Variants in ERI1 observed in about 807,000 individuals in gnomAD.
The protein encoded by ERI1 is exoribonuclease 1.
Under a neutral mutation model 39.7 loss-of-function variants are expected in ERI1, and 39 were observed. That is an observed-to-expected ratio of 0.98 (90% confidence interval 0.76 to 1.28). The LOEUF (loss-of-function observed/expected upper bound fraction) is 1.28. Among genes scored for constraint, ERI1 ranks in the 50% most tolerant of loss-of-function variants. ERI1 has a pLI of 0.00. For synonymous variants in ERI1, 204 were observed against 149.6 expected (o/e 1.36, Z -2.65); for missense variants, 581 against 416.9 (o/e 1.39, Z -3.43).
At chr8:9,060,771 C>G (rs1798667753) in intron 3 of ERI1, among the ~76,000 whole-genome samples, 1 of 152,164 alleles carries the variant, frequency 6.6e-6, no homozygotes, top group South Asian at 2.1e-4. Context: ...AGTTGGAAAG[C>G]TAGCTGCTTG....
intron 4 of ERI1, 57 bp downstream of exon 4, chr8:9,016,462 T>G: frequency 9.2e-7 from 1 of 1,087,268 alleles, no homozygotes; most frequent in Non-Finnish European, 1.3e-6. Context: ...AATTAGGGAT[T>G]TATTTTATAC....
At chr8:9,094,800 T>A (rs1184303723) in intron 3 of ERI1, among the ~76,000 whole-genome samples, 2 of 152,240 alleles carry the variant, frequency 1.3e-5, no homozygotes. Context: ...CCCTGAAGTG[T>A]TTTGCTAAAT....
chr8:9,071,448 C>T (rs1247864608), intron 3 of ERI1, among the ~76,000 whole-genome samples: 1 of 152,160 alleles, frequency 6.6e-6, no homozygotes, highest in African/African-American at 2.4e-5. Flanking sequence ...TCTAGTAATG[C>T]CAGCTCTATG....
downstream of ERI1, among the ~76,000 whole-genome samples, chr8:9,034,558 T>G (rs1377422659): frequency 2.6e-5 from 4 of 152,206 alleles, no homozygotes; most frequent in Non-Finnish European, 5.9e-5. Context: ...ATGGTGGTTT[T>G]GGGGCACCAC....
downstream of ERI1, among the ~76,000 whole-genome samples, chr8:9,037,464 T>C (rs1181633541): frequency 6.6e-6 from 1 of 152,106 alleles, no homozygotes; most frequent in Non-Finnish European, 1.5e-5. Flanking sequence ...GCCCTTCATT[T>C]GTGCTGCAGA....
At chr8:9,056,682 A>G (rs895174016) in intron 3 of ERI1, among the ~76,000 whole-genome samples, 4 of 152,214 alleles carry the variant, frequency 2.6e-5, no homozygotes, top group Non-Finnish European at 5.9e-5. Flanking sequence ...CAGCACTATT[A>G]TAGTTTTTAA....
Position 9,032,003 on chromosome 8 carries a change from C to T in ERI1, c.*1969C>T, listed in dbSNP as rs1432109045. 2.6e-5 allele frequency: 4 copies of T among 152,202 alleles called. No homozygotes were observed. In the East Asian group the frequency reaches 7.7e-4, roughly 29 times the overall value. The allele number at this position is 152,202 out of a possible 1,614,324, so 9.4% of individuals were successfully genotyped here. A position where few individuals can be genotyped will look rare whatever the true frequency, so the allele number is the denominator to read the frequency against. On this transcript the variant is annotated 3_prime_UTR_variant, in exon 7 of 7. Coordinates refer to ENST00000250263, the MANE Select transcript of ERI1 (RefSeq NM_153332.4). ...GAACTCCTGACCTCAAGTGATTTGC[C>T]CACCTTGACCTCCTACAGACGTGAG... is the stretch of plus-strand genomic sequence containing the variant.
chr8:9,029,826 T>C lies in ERI1; in HGVS notation c.842T>C (p.Leu281Pro). Reference protein sequence around the residue: ...PRSQTKLTIMLEKLGMDYDGR... With the variant: ...PRSQTKLTIMPEKLGMDYDGR... The stretch of plus-strand genomic sequence containing the variant: ...AGCCAAACCAAACTGACAATAATGC[T>C]TGAAAAATTAGGAATGGATTATGAT... The change falls in exon 7 of 7, where the codon CTT (leucine) becomes CCT (proline). Residue 281 changes from leucine (L) to proline (P), a missense_variant. Transcript: ENST00000250263. 1 of 1,614,198 alleles carries C rather than the reference T, an allele frequency of 6.2e-7. No individual in the cohort carries two copies. Among genetic ancestry groups the C allele is most frequent in the Non-Finnish European group, 8.5e-7 (1 of 1,180,036 alleles).
intron 3 of ERI1, among the ~76,000 whole-genome samples, chr8:9,013,556 A>C (rs796271274): frequency 1.3e-5 from 2 of 151,888 alleles, no homozygotes; most frequent in South Asian, 4.1e-4. Context: ...CTCTGCTTAC[A>C]TCCTTTCGCT....
chr8:9,092,524 A>C lies in ERI1; in HGVS notation n.300-23824A>C, dbSNP rs538070513. On this transcript the variant is annotated intron_variant and non_coding_transcript_variant, in intron 3 of 3. Transcript: ENST00000518663. ...AGATTTGCTCTTGTCATGGGTAAAC[A>C]GATAGGGAACATCACTGAAGATTAC... 3.5e-4 allele frequency among the ~76,000 whole-genome samples: 53 copies of C among 152,342 alleles called. No homozygotes were observed. In the South Asian group the frequency reaches 0.011, roughly 31 times the overall value.
intron 3 of ERI1, among the ~76,000 whole-genome samples, chr8:9,069,021 G>T (rs1473345497): frequency 6.6e-6 from 1 of 152,116 alleles, no homozygotes; most frequent in African/African-American, 2.4e-5. Flanking sequence ...GCCGCGCTGT[G>T]TGGCCCAGGC....
chr8:9,069,014 G>A (rs746849753), intron 3 of ERI1, among the ~76,000 whole-genome samples: 32 of 152,172 alleles, frequency 2.1e-4, no homozygotes, highest in Admixed American at 9.2e-4. Context: ...GATGAGGGCC[G>A]CGCTGTGTGG....
chr8:9,008,755 C>A (rs1343409808), intron 2 of ERI1, among the ~76,000 whole-genome samples: 1 of 151,978 alleles, frequency 6.6e-6, no homozygotes, highest in East Asian at 1.9e-4. Context: ...GGCCATGGGG[C>A]AGAAATGGCT....
chr8:9,026,020 G>C (rs938169923), intron 6 of ERI1, among the ~76,000 whole-genome samples: 1 of 152,086 alleles, frequency 6.6e-6, no homozygotes, highest in Non-Finnish European at 1.5e-5. Context: ...TGGACAGTCT[G>C]GTTGTTTGGC....
At chr8:9,073,230 A>G (rs10087078) in intron 3 of ERI1, among the ~76,000 whole-genome samples, 31,365 of 152,216 alleles carry the variant, frequency 0.21, 4,058 homozygotes, top group African/African-American at 0.37. Flanking sequence ...ATCTTTGCAG[A>G]AGGCAGTATC....
intron 3 of ERI1, among the ~76,000 whole-genome samples, chr8:9,040,818 G>T (rs75694792): frequency 0.013 from 1,968 of 152,168 alleles, 51 homozygotes; most frequent in African/African-American, 0.045. Context: ...ACTTTTGTAA[G>T]GAGAGTGGAG....
At chr8:9,008,409 C>G (rs1816279849) in intron 2 of ERI1, among the ~76,000 whole-genome samples, 1 of 152,074 alleles carries the variant, frequency 6.6e-6, no homozygotes, top group Admixed American at 6.5e-5. Flanking sequence ...CTTATTATGA[C>G]AAGAGTGTTT....
chr8:9,069,654 C>G (rs1798986343), intron 3 of ERI1, among the ~76,000 whole-genome samples: 1 of 152,182 alleles, frequency 6.6e-6, no homozygotes. Context: ...GTGACAAGAT[C>G]ATTCGTATCT....
rs10701232 is a variant in ERI1, at chr8:9,081,703, TTTTG to T, written n.300-34621_300-34618del. Among the ~76,000 whole-genome samples, 89 of 142,692 alleles carry T rather than the reference TTTTG, an allele frequency of 6.2e-4. No homozygotes were observed. The Middle Eastern group carries it at 0.011, about 17-fold the overall frequency. The allele number at this position is 142,692 out of a possible 152,430, so 93.6% of individuals were successfully genotyped here. The stretch of plus-strand genomic sequence containing the variant: ...TCTTTTGTTTTTGTTTTTTTTTGGT[TTTTG>T]TTTGTTTGTTTGTTTGTTTGTTTTA... On this transcript the variant is annotated intron_variant and non_coding_transcript_variant, in intron 3 of 3. Transcript: ENST00000518663.
Sources: gnomAD v4.1 joint callset for allele counts (sites outside exome capture counted in the v4.1 genomes callset) on GRCh38, gnomAD v4.1.1 for gene constraint, MANE v1.5 for transcripts, NCBI Gene and HGNC (gene_info 2026-07-23, HGNC 2026-07-21) for gene names.